The following CTPS2 variants were observed in gnomAD, a reference collection of about 807,000 sequenced individuals.
CTPS2 encodes the protein CTP synthase II.
A neutral mutation model predicts 46.8 loss-of-function variants in CTPS2; 19 were observed. That is an observed-to-expected ratio of 0.41 (90% CI 0.28 to 0.60). The LOEUF is 0.60. CTPS2 is among the 20% of genes least tolerant of loss of function. The pLI, the probability that CTPS2 is intolerant of heterozygous loss-of-function variation, is 0.35. For missense variants in CTPS2, 286 were observed against 447.6 expected (o/e 0.64, Z 3.26); for synonymous variants, 151 against 165.2 (o/e 0.91, Z 0.66).
intron 10 of CTPS2, among the ~76,000 whole-genome samples, chrX:16,670,902 G>A (rs1195422249): frequency 9.0e-6 from 1 of 111,178 alleles, no homozygotes. Context: ...TATATTTTAC[G>A]ATAAGTCTTT....
chrX:16,638,899 G>A (rs766851852), intron 14 of CTPS2: 20 of 499,170 alleles, frequency 4.0e-5, no homozygotes, highest in Admixed American at 1.9e-4. Flanking sequence ...AGGGAGTCAC[G>A]CAGATCAAAT....
At chrX:16,639,074 C>G in intron 14 of CTPS2, 73 bp downstream of exon 14, 1 of 829,368 alleles carries the variant, frequency 1.2e-6, no homozygotes, top group Non-Finnish European at 1.8e-6. Flanking sequence ...CTCCACCACC[C>G]AGAGTGCTGG....
intron 16 of CTPS2, among the ~76,000 whole-genome samples, chrX:16,613,500 G>A (rs190330122): frequency 9.0e-6 from 1 of 111,712 alleles, no homozygotes; most frequent in East Asian, 2.8e-4. Flanking sequence ...ACAACACACT[G>A]CTAGTTGGGA....
chrX:16,653,480 C>T (rs1243724698), intron 13 of CTPS2, among the ~76,000 whole-genome samples: 1 of 111,963 alleles, frequency 8.9e-6, no homozygotes, highest in Non-Finnish European at 1.9e-5. Context: ...TGTGGTGGCA[C>T]ACGCCTTTAG....
chrX:16,698,912 G>A lies in CTPS2; in HGVS notation c.337+11C>T, dbSNP rs1924345654. ...CACACAGGGCTCCATAATGTCTGTGGAATATAATACCTTGCACTGTTTTCC... is the reference window on the plus strand; with the variant it reads ...CACACAGGGCTCCATAATGTCTGTGAAATATAATACCTTGCACTGTTTTCC... On this transcript the variant is annotated intron_variant, in intron 3 of 18. Coordinates refer to ENST00000359276, the MANE Select transcript of CTPS2 (RefSeq NM_175859.3). 1 of 1,183,180 alleles carries A rather than the reference G, an allele frequency of 8.5e-7. No homozygotes were observed. Among genetic ancestry groups the A allele is most frequent in the Non-Finnish European group, 1.1e-6 (1 of 881,105 alleles).
chrX:16,689,825 G>A (rs1487996492), intron 7 of CTPS2, among the ~76,000 whole-genome samples: 1 of 111,638 alleles, frequency 9.0e-6, no homozygotes, highest in Non-Finnish European at 1.9e-5. Context: ...GCCGAGGCGG[G>A]CAGATCACCT....
At chrX:16,709,870 A>C (rs959641778) in intron 1 of CTPS2, among the ~76,000 whole-genome samples, 1 of 108,200 alleles carries the variant, frequency 9.2e-6, no homozygotes, top group African/African-American at 3.4e-5. Context: ...AAAAAAAAAA[A>C]AAACAGATTT....
chrX:16,658,243 A>T (rs1411586151), intron 13 of CTPS2, among the ~76,000 whole-genome samples: 5 of 110,634 alleles, frequency 4.5e-5, no homozygotes, highest in Non-Finnish European at 7.6e-5. Context: ...TAACCCACCA[A>T]GAAACAGAGG....
chrX:16,641,516 G>A (rs754217709), intron 13 of CTPS2, among the ~76,000 whole-genome samples: 2 of 112,657 alleles, frequency 1.8e-5, no homozygotes, highest in South Asian at 7.3e-4. Flanking sequence ...GGGAGACCAA[G>A]GCAGACAGAT....
At chrX:16,622,073 G>A (rs1930870126) in intron 14 of CTPS2, among the ~76,000 whole-genome samples, 1 of 110,959 alleles carries the variant, frequency 9.0e-6, no homozygotes, top group African/African-American at 3.3e-5. Context: ...AATAAAAATG[G>A]GAAATAAAGC....
chrX:16,608,502 G>T (rs1381797929), intron 17 of CTPS2, among the ~76,000 whole-genome samples: 1 of 111,338 alleles, frequency 9.0e-6, no homozygotes, highest in African/African-American at 3.3e-5. Flanking sequence ...ACTGAGGCAG[G>T]AGGATTTCTT....
intron 16 of CTPS2, among the ~76,000 whole-genome samples, chrX:16,616,843 C>G (rs774413319): frequency 9.0e-6 from 1 of 110,947 alleles, no homozygotes; most frequent in Non-Finnish European, 1.9e-5. Context: ...TACAGGTGCA[C>G]GCCACCACAC....
At chrX:16,642,901 G>A (rs961363625) in intron 13 of CTPS2, among the ~76,000 whole-genome samples, 5 of 111,900 alleles carry the variant, frequency 4.5e-5, no homozygotes, top group Non-Finnish European at 9.4e-5. Context: ...AAAGGAAAAC[G>A]CATCTTCCAT....
At chrX:16,632,624 A>G (rs955570951) in intron 14 of CTPS2, among the ~76,000 whole-genome samples, 1 of 111,090 alleles carries the variant, frequency 9.0e-6, no homozygotes, top group Admixed American at 9.6e-5. Context: ...AGGTTTCACC[A>G]TGATAGCCAG....
At chrX:16,642,853 C>A (rs1932145162) in intron 13 of CTPS2, among the ~76,000 whole-genome samples, 1 of 112,043 alleles carries the variant, frequency 8.9e-6, no homozygotes, top group Non-Finnish European at 1.9e-5. Flanking sequence ...TTAGATTTAA[C>A]ACCAACATTT....
intron 10 of CTPS2, among the ~76,000 whole-genome samples, chrX:16,673,378 C>T (rs958813632): frequency 9.0e-5 from 10 of 110,862 alleles, no homozygotes; most frequent in African/African-American, 3.3e-4. Flanking sequence ...TAAGGGTTCC[C>T]TCTCATCTTG....
At chrX:16,654,501 T>C (rs2147270119) in intron 13 of CTPS2, 2 of 1,160,011 alleles carry the variant, frequency 1.7e-6, no homozygotes, top group East Asian at 3.0e-5. Context: ...AAAAAAGATA[T>C]CCCAGTGAAG....
intron 13 of CTPS2, chrX:16,654,755 A>G (rs954506043): frequency 1.1e-4 from 16 of 146,531 alleles, no homozygotes; most frequent in Admixed American, 2.8e-4. Context: ...AGATTTAAAA[A>G]AGAGAGAGAG....
intron 14 of CTPS2, among the ~76,000 whole-genome samples, chrX:16,621,384 T>G (rs1930825619): frequency 9.3e-6 from 1 of 107,915 alleles, no homozygotes; most frequent in South Asian, 4.2e-4. Context: ...CACACCAACA[T>G]GGCACATGTA....
Sources: allele counts gnomAD v4.1 joint callset (sites outside exome capture counted in the v4.1 genomes callset), GRCh38; gene constraint gnomAD v4.1.1; transcripts MANE v1.5; gene names NCBI Gene and HGNC (gene_info 2026-07-23, HGNC 2026-07-21).